The following RPA1 variants were observed in gnomAD, a reference collection of about 807,000 sequenced individuals.
RPA1 encodes replication protein A 70 kDa DNA-binding subunit.
In RPA1, 49 loss-of-function variants were observed where a neutral mutation model predicts 83.0. That is an observed-to-expected ratio of 0.59 (90% CI 0.47 to 0.75). The LOEUF (loss-of-function observed/expected upper bound fraction) is 0.75. RPA1 is among the 30% of genes least tolerant of loss of function. RPA1 has a pLI of 0.00. For synonymous variants in RPA1, 279 were observed against 281.8 expected (o/e 0.99, Z 0.10); for missense variants, 693 against 776.1 (o/e 0.89, Z 1.27).
At chr17:1,872,708 CTTTTTT>C (rs34892322) in intron 6 of RPA1, among the ~76,000 whole-genome samples, 182 bp downstream of exon 6, 13 of 113,052 alleles carry the variant, frequency 1.1e-4, no homozygotes, top group Non-Finnish European at 1.4e-4. Flanking sequence ...TAAAGATTGT[CTTTTTT>C]TTTTTTTTTT....
chr17:1,891,151 A>C (rs1365698211), intron 14 of RPA1, among the ~76,000 whole-genome samples: 1 of 152,244 alleles, frequency 6.6e-6, no homozygotes, highest in Non-Finnish European at 1.5e-5. Context: ...TTACTTCAGC[A>C]AGTGGATTCT....
At chr17:1,831,989 C>T (rs1056623971) in intron 1 of RPA1, among the ~76,000 whole-genome samples, 4 of 143,898 alleles carry the variant, frequency 2.8e-5, no homozygotes, top group Non-Finnish European at 6.0e-5. Flanking sequence ...AGTGCGGTGG[C>T]GCAATCTCGG....
intron 5 of RPA1, among the ~76,000 whole-genome samples, chr17:1,865,739 T>TG (rs1271871030): frequency 6.6e-6 from 1 of 152,156 alleles, no homozygotes; most frequent in Non-Finnish European, 1.5e-5. Context: ...TACTCCACTT[T>TG]GCCTACACAA....
At chr17:1,859,874 G>A (rs566642463) in intron 5 of RPA1, among the ~76,000 whole-genome samples, 15 of 152,178 alleles carry the variant, frequency 9.9e-5, no homozygotes, top group South Asian at 2.1e-4. Context: ...GTGCAGTGGC[G>A]TGATCTCGGC....
At chr17:1,874,412 G>A (rs751405760) in intron 6 of RPA1, among the ~76,000 whole-genome samples, 8 of 152,160 alleles carry the variant, frequency 5.3e-5, no homozygotes, top group Non-Finnish European at 1.2e-4. Context: ...AAGCTGAAGT[G>A]GGAGGATCGT....
chr17:1,845,162 T>TTGTGTGTGTG (rs71150822), intron 4 of RPA1, among the ~76,000 whole-genome samples: 3,012 of 141,656 alleles, frequency 0.021, 108 homozygotes, highest in African/African-American at 0.072. Flanking sequence ...TAATGCTGCT[T>TTGTGTGTGTG]TGTGTGTGTG....
At chr17:1,831,960 C>A (rs966571536) in intron 1 of RPA1, among the ~76,000 whole-genome samples, 9 of 126,024 alleles carry the variant, frequency 7.1e-5, no homozygotes, top group African/African-American at 8.9e-5. Context: ...CATACCCCCC[C>A]ACTACCGCCC....
chr17:1,866,469 C>G (rs1033230005), intron 5 of RPA1, among the ~76,000 whole-genome samples: 1 of 152,090 alleles, frequency 6.6e-6, no homozygotes, highest in African/African-American at 2.4e-5. Context: ...AGCCCACCAC[C>G]ACGCCCGGCT....
intron 2 of RPA1, 30 bp from the exon 3 acceptor site, chr17:1,843,890 C>T (rs1912154954): frequency 6.2e-7 from 1 of 1,602,396 alleles, no homozygotes; most frequent in East Asian, 2.2e-5. Context: ...GGCAGACAAC[C>T]TGGCTAATGA....
chr17:1,857,335 A>G (rs1912740073), intron 5 of RPA1, among the ~76,000 whole-genome samples: 1 of 150,860 alleles, frequency 6.6e-6, no homozygotes, highest in Non-Finnish European at 1.5e-5. Context: ...CATTACTTCG[A>G]TGAGAAAGCA....
In RPA1 at chr17:1,889,156, C is replaced by A. The variant is rs147015281; in HGVS notation, c.1551+305C>A. 1.7e-4 allele frequency among the ~76,000 whole-genome samples: 26 copies of A among 152,228 alleles called. No individual in the cohort carries two copies. The East Asian group carries it at 2.3e-3, about 14-fold the overall frequency. On this transcript the variant is annotated intron_variant, in intron 14 of 16. Coordinates refer to ENST00000254719, the MANE Select transcript of RPA1 (RefSeq NM_002945.5). ...GACAGCACTAATTGTACTTACACAG[C>A]CAATGCCCGTATTTAGTCACTTTCA...
At chr17:1,840,490 GT>G in intron 1 of RPA1, among the ~76,000 whole-genome samples, 1 of 152,060 alleles carries the variant, frequency 6.6e-6, no homozygotes, top group Non-Finnish European at 1.5e-5. Context: ...GTTTCACCGT[GT>G]TAGCCGGGAT....
intron 4 of RPA1, among the ~76,000 whole-genome samples, chr17:1,847,445 C>T (rs1052112937): frequency 6.6e-6 from 1 of 152,244 alleles, no homozygotes; most frequent in Non-Finnish European, 1.5e-5. Flanking sequence ...GACAGCTCCA[C>T]TCCCCTGGGC....
At position 1,896,327 on chromosome 17, in the gene RPA1, A is replaced by T. The variant is rs191133616; in HGVS notation, c.1747-744A>T. On this transcript the variant is annotated intron_variant, in intron 16 of 16. Coordinates refer to ENST00000254719, the MANE Select transcript of RPA1 (RefSeq NM_002945.5). ...GCTCGCCTGTGCAGCCTTCCTGGGTATCACTCCGTTCTGCCCGGAAAGGCA... is the reference window on the plus strand; with the variant it reads ...GCTCGCCTGTGCAGCCTTCCTGGGTTTCACTCCGTTCTGCCCGGAAAGGCA... Among the ~76,000 whole-genome samples, 12 of 152,292 alleles carry T rather than the reference A, an allele frequency of 7.9e-5. No individual in the cohort carries two copies. In the Middle Eastern group the frequency reaches 0.01, roughly 130 times the overall value.
intron 16 of RPA1, 148 bp from the exon 17 acceptor site, chr17:1,896,923 G>T (rs7406062): frequency 7.3e-6 from 5 of 688,690 alleles, no homozygotes; most frequent in African/African-American, 5.3e-5. Flanking sequence ...ACATTCAGGA[G>T]GAGGCTGTCA....
At position 1,858,091 on chromosome 17, in the gene RPA1, A is replaced by G. The variant is rs1469603173; in HGVS notation, c.361+4902A>G. 4 of 1,613,162 alleles carry G rather than the reference A, an allele frequency of 2.5e-6. No homozygotes were observed. In the Admixed American group the frequency reaches 5.0e-5, roughly 20 times the overall value. ...CAACACAGTAAGAACCAGGACAACC[A>G]CTCCAGACTGGTATAGCTGGGGAAT... On this transcript the variant is annotated intron_variant, in intron 5 of 16. Transcript: ENST00000254719.
At chr17:1,849,361 C>T (rs1457535772) in intron 4 of RPA1, among the ~76,000 whole-genome samples, 6 of 139,518 alleles carry the variant, frequency 4.3e-5, no homozygotes, top group East Asian at 2.1e-4. Flanking sequence ...GGTGCGATCT[C>T]GGCTCACTGC....
intron 12 of RPA1, among the ~76,000 whole-genome samples, chr17:1,882,788 C>T (rs979102954): frequency 2.0e-5 from 3 of 152,170 alleles, no homozygotes; most frequent in Non-Finnish European, 4.4e-5. Context: ...ATGATCACCA[C>T]GCAGCTGCTG....
intron 13 of RPA1, among the ~76,000 whole-genome samples, chr17:1,886,430 T>C (rs1875532657): frequency 6.6e-6 from 1 of 152,218 alleles, no homozygotes; most frequent in African/African-American, 2.4e-5. Flanking sequence ...GAGTCAGCCT[T>C]TCCTTTGAAG....
Sources: gnomAD v4.1 joint callset for allele counts (sites outside exome capture counted in the v4.1 genomes callset) on GRCh38, gnomAD v4.1.1 for gene constraint, MANE v1.5 for transcripts, NCBI Gene and HGNC (gene_info 2026-07-23, HGNC 2026-07-21) for gene names.